Variants in AKAP13 observed in about 807,000 individuals in gnomAD.
AKAP13 encodes the protein A-kinase anchoring protein 13.
AKAP13 carries 80 observed loss-of-function variants against 264.5 expected under a neutral mutation model. The ratio of observed to expected loss-of-function variants is 0.30; its 90% CI spans 0.25 to 0.36. The LOEUF is 0.36. Ranked by LOEUF, AKAP13 falls within the 10% of genes least tolerant of loss-of-function variation. AKAP13 has a pLI of 1.00. For missense variants in AKAP13, 3,712 were observed against 3,435.2 expected (o/e 1.08, Z -2.01); for synonymous variants, 1,380 against 1,250.2 (o/e 1.10, Z -2.19).
intron 8 of AKAP13, among the ~76,000 whole-genome samples, chr15:85,599,933 G>A (rs2079981802): frequency 6.6e-6 from 1 of 152,090 alleles, no homozygotes; most frequent in Non-Finnish European, 1.5e-5. Flanking sequence ...TTTAAAACTT[G>A]GAGTCACCCT....
In AKAP13 at chr15:85,575,123, G is replaced by A. The variant is rs781019006; in HGVS notation, c.663-8G>A. 2 of 1,613,450 alleles carry A rather than the reference G, an allele frequency of 1.2e-6. No homozygotes were observed. The highest frequency in any genetic ancestry group is 1.3e-5 in the African/African-American group (1 of 74,894). ...GTATATATATTAACCAGAGATGCTTGCATGTAGGGAGAATGCTGGAGAACC... is the reference window on the plus strand; with the variant it reads ...GTATATATATTAACCAGAGATGCTTACATGTAGGGAGAATGCTGGAGAACC... On this transcript the variant is annotated splice_region_variant and splice_polypyrimidine_tract_variant and intron_variant, in intron 5 of 36. Transcript: ENST00000394518.
At chr15:85,612,303 A>G (rs932790594) in intron 8 of AKAP13, among the ~76,000 whole-genome samples, 21 of 152,238 alleles carry the variant, frequency 1.4e-4, no homozygotes, top group African/African-American at 5.1e-4. Flanking sequence ...GAATAGGTGC[A>G]GTTTATTATG....
chr15:85,532,057 T>C (rs1169480918), intron 3 of AKAP13, among the ~76,000 whole-genome samples: 1 of 152,208 alleles, frequency 6.6e-6, no homozygotes, highest in Non-Finnish European at 1.5e-5. Context: ...AGTTACTTCT[T>C]TAAGTCTCAG....
At chr15:85,555,419 T>C (rs1230002678) in intron 5 of AKAP13, 1 of 1,288,740 alleles carries the variant, frequency 7.8e-7, no homozygotes, top group East Asian at 5.5e-5. Flanking sequence ...TCCTCTATTT[T>C]TAAAGCTGTA....
At chr15:85,566,690 A>G (rs1465025314) in intron 5 of AKAP13, among the ~76,000 whole-genome samples, 1 of 148,174 alleles carries the variant, frequency 6.7e-6, no homozygotes, top group Non-Finnish European at 1.5e-5. Context: ...GCAGTGGTGC[A>G]GCCTCGACTC....
chr15:85,648,570 C>T (rs1225070983), intron 10 of AKAP13, among the ~76,000 whole-genome samples: 1 of 151,712 alleles, frequency 6.6e-6, no homozygotes, highest in African/African-American at 2.4e-5. Flanking sequence ...TTGAAGGAGG[C>T]CAGGCGTGGT....
At chr15:85,389,226 C>T in intron 1 of AKAP13, among the ~76,000 whole-genome samples, 1 of 151,998 alleles carries the variant, frequency 6.6e-6, no homozygotes, top group East Asian at 1.9e-4. Context: ...CATACAGCTC[C>T]CTCCTCTTCT....
chr15:85,529,882 A>G (rs915276409), intron 3 of AKAP13, among the ~76,000 whole-genome samples: 2 of 152,218 alleles, frequency 1.3e-5, no homozygotes, highest in African/African-American at 4.8e-5. Flanking sequence ...TAATCGTACC[A>G]AACAAATTCC....
chr15:85,397,060 A>T (rs2071154288), intron 1 of AKAP13, among the ~76,000 whole-genome samples: 1 of 83,658 alleles, frequency 1.2e-5, no homozygotes, highest in African/African-American at 4.7e-5. Flanking sequence ...ATTATTTTTT[A>T]AATAATGCAT....
At chr15:85,464,894 C>G (rs1348871219) in intron 1 of AKAP13, among the ~76,000 whole-genome samples, 1 of 152,068 alleles carries the variant, frequency 6.6e-6, no homozygotes, top group Admixed American at 6.5e-5. Flanking sequence ...CTGTAGTTTT[C>G]TCCTAAACCT....
At chr15:85,725,098 A>G (rs999291016) in intron 26 of AKAP13, among the ~76,000 whole-genome samples, 8 of 152,166 alleles carry the variant, frequency 5.3e-5, no homozygotes, top group Non-Finnish European at 1.2e-4. Context: ...TTTACATAGC[A>G]ATTTATTTAT....
At chr15:85,657,017 A>G (rs2083130048) in intron 11 of AKAP13, among the ~76,000 whole-genome samples, 1 of 152,066 alleles carries the variant, frequency 6.6e-6, no homozygotes, top group African/African-American at 2.4e-5. Flanking sequence ...ATGGTAGTAC[A>G]TGCCTGTGGT....
At chr15:85,478,720 T>G (rs543013798) in intron 1 of AKAP13, among the ~76,000 whole-genome samples, 21 of 152,238 alleles carry the variant, frequency 1.4e-4, no homozygotes, top group African/African-American at 4.3e-4. Flanking sequence ...CCCCTCGCCT[T>G]ACCCATTTGG....
chr15:85,473,176 A>G (rs1433789434), intron 1 of AKAP13, among the ~76,000 whole-genome samples: 1 of 152,196 alleles, frequency 6.6e-6, no homozygotes, highest in East Asian at 1.9e-4. Flanking sequence ...TAGGGAAAAA[A>G]GACTGAAGAT....
intron 1 of AKAP13, among the ~76,000 whole-genome samples, chr15:85,431,416 G>T (rs920556100): frequency 2.0e-5 from 3 of 152,202 alleles, no homozygotes; most frequent in African/African-American, 7.2e-5. Context: ...TAAAACAAGG[G>T]TAGTGGTAGT....
chr15:85,562,574 A>AT (rs1555444891), intron 5 of AKAP13, among the ~76,000 whole-genome samples: 6 of 77,666 alleles, frequency 7.7e-5, no homozygotes, highest in Middle Eastern at 7.7e-3. Flanking sequence ...CAAAAAAAAA[A>AT]ATATATATAT....
intron 2 of AKAP13, among the ~76,000 whole-genome samples, chr15:85,492,199 A>G (rs1003540634): frequency 2.0e-5 from 3 of 152,190 alleles, no homozygotes; most frequent in East Asian, 1.9e-4. Flanking sequence ...TTCATGTTTT[A>G]AAAGATTTAA....
At chr15:85,741,549 C>G in intron 35 of AKAP13, 54 bp downstream of exon 35, 6 of 1,511,390 alleles carry the variant, frequency 4.0e-6, no homozygotes, top group Non-Finnish European at 5.3e-6. Context: ...TTAAGACCCC[C>G]TGTGTATTAA....
intron 36 of AKAP13, chr15:85,744,357 T>C (rs1771988462): frequency 2.3e-6 from 1 of 435,958 alleles, no homozygotes; most frequent in Non-Finnish European, 4.2e-6. Flanking sequence ...CTCCTTTCTG[T>C]GTGGGAGGTT....
Sources: gnomAD v4.1 joint callset for allele counts (sites outside exome capture counted in the v4.1 genomes callset) on GRCh38, gnomAD v4.1.1 for gene constraint, MANE v1.5 for transcripts, NCBI Gene and HGNC (gene_info 2026-07-23, HGNC 2026-07-21) for gene names.